The following VGLL4 variants were observed in gnomAD, a reference collection of about 807,000 sequenced individuals.
The protein encoded by VGLL4 is transcription cofactor vestigial-like protein 4.
A neutral mutation model predicts 21.0 loss-of-function variants in VGLL4; 7 were observed. The ratio of observed to expected loss-of-function variants is 0.33; its 90% CI spans 0.19 to 0.63. VGLL4 has a LOEUF of 0.63. VGLL4 is among the 20% of genes least tolerant of loss of function. The probability of loss-of-function intolerance (pLI) is 0.78; values close to 1 mark genes in which losing one functional copy is unlikely to be tolerated. For missense variants in VGLL4, 394 were observed against 425.7 expected, an observed-to-expected ratio of 0.93 and a Z score of 0.66; for synonymous variants, 222 against 173.2, an observed-to-expected ratio of 1.28 and a Z score of -2.21.
intron 2 of VGLL4, among the ~76,000 whole-genome samples, chr3:11,695,567 A>T (rs1461578055): frequency 1.3e-5 from 2 of 152,212 alleles, no homozygotes; most frequent in Non-Finnish European, 2.9e-5. Flanking sequence ...TGGTTAAAGG[A>T]CATGTGGTAG....
intron 1 of VGLL4, among the ~76,000 whole-genome samples, chr3:11,606,304 G>GT (rs2074939226): frequency 1.3e-5 from 2 of 152,194 alleles, no homozygotes; most frequent in South Asian, 4.1e-4. Context: ...ATGAGATTGG[G>GT]TGGGGACACT....
At chr3:11,690,751 G>T (rs2076515686) in intron 2 of VGLL4, among the ~76,000 whole-genome samples, 1 of 152,050 alleles carries the variant, frequency 6.6e-6, no homozygotes, top group East Asian at 1.9e-4. Context: ...CATTTACAAG[G>T]AATCAAAAGT....
rs536090045 is a variant in VGLL4 at position 11,676,638 on chromosome 3, T to C, written c.64+26333A>G. 3.9e-5 allele frequency among the ~76,000 whole-genome samples: 6 copies of C among 151,962 alleles called. No homozygotes were observed. In the South Asian group the frequency reaches 1.2e-3, roughly 32 times the overall value. ...TTTATTACAAACCATTTAGAACAGT[T>C]TGAATATATTTGGATATAAATATAA... On this transcript the variant is annotated intron_variant, in intron 2 of 5. Transcript: ENST00000273038.
intron 2 of VGLL4, among the ~76,000 whole-genome samples, chr3:11,566,767 C>T (rs932795414): frequency 3.3e-5 from 5 of 152,160 alleles, no homozygotes; most frequent in Non-Finnish European, 7.4e-5. Flanking sequence ...GAATCCATCC[C>T]CCACCGTCAA....
intron 2 of VGLL4, among the ~76,000 whole-genome samples, chr3:11,686,384 T>C (rs557836047): frequency 6.6e-6 from 1 of 152,312 alleles, no homozygotes; most frequent in African/African-American, 2.4e-5. Flanking sequence ...TTGAGGATAT[T>C]ATGGTAAATG....
rs148177241 is a variant in VGLL4 at position 11,682,992 on chromosome 3, C to T, written c.64+19979G>A. Among the ~76,000 whole-genome samples the T allele has an allele frequency of 9.6e-3, 1,467 of 152,122 alleles. 21 individuals are homozygous for T. The highest frequency in any genetic ancestry group is 0.033 in the African/African-American group (1,378 of 41,482). ...CCTGTAATCCCAGAACTTTGGGAGG[C>T]CGAGGTGGGCAGATCACCTGAGGTC... On this transcript the variant is annotated intron_variant, in intron 2 of 5. Coordinates refer to the VGLL4 transcript ENST00000273038.
Position 11,715,007 on chromosome 3 carries a change from C to T in VGLL4, c.-14+5387G>A, listed in dbSNP as rs1244133950. On this transcript the variant is annotated intron_variant, in intron 1 of 5. Coordinates refer to the VGLL4 transcript ENST00000273038. ...AAAATTAGCCAGGCACGGTGGCGGG[C>T]GCCTGTAGTCCCAGCTACTCGAGAG... is the stretch of plus-strand genomic sequence containing the variant. Among the ~76,000 whole-genome samples the T allele has an allele frequency of 5.9e-5, 9 of 151,988 alleles. No individual in the cohort carries two copies. In the East Asian group the frequency reaches 1.6e-3, roughly 26 times the overall value.
At chr3:11,663,912 C>CA (rs923169660) in intron 2 of VGLL4, among the ~76,000 whole-genome samples, 4 of 152,072 alleles carry the variant, frequency 2.6e-5, no homozygotes, top group East Asian at 1.9e-4. Flanking sequence ...AAAGTAATGG[C>CA]AAAAAACACA....
intron 2 of VGLL4, among the ~76,000 whole-genome samples, chr3:11,572,139 G>C (rs983915115): frequency 6.6e-6 from 1 of 152,128 alleles, no homozygotes; most frequent in Non-Finnish European, 1.5e-5. Flanking sequence ...CTGAGTAAGT[G>C]ATTGACGTTG....
At chr3:11,642,998 C>T (rs751866957) in intron 1 of VGLL4, among the ~76,000 whole-genome samples, 5 of 152,190 alleles carry the variant, frequency 3.3e-5, no homozygotes, top group Admixed American at 6.5e-5. Context: ...GTAACTTTGG[C>T]TCCCCCTCCG....
chr3:11,586,961 C>T (rs1451944521), intron 2 of VGLL4, among the ~76,000 whole-genome samples: 1 of 151,926 alleles, frequency 6.6e-6, no homozygotes, highest in Non-Finnish European at 1.5e-5. Flanking sequence ...AACTGCTTGC[C>T]CTGAATTGCA....
chr3:11,582,272 T>C, intron 2 of VGLL4: 1 of 1,605,774 alleles, frequency 6.2e-7, no homozygotes. Flanking sequence ...AATGAAAGGG[T>C]TCTTGGTACT....
At chr3:11,643,996 GGA>G, upstream of VGLL4, 1 of 990,298 alleles carries the variant, frequency 1.0e-6, no homozygotes, top group Non-Finnish European at 1.2e-6. Flanking sequence ...GCCGAGGCAG[GGA>G]GGGCTTCTGC....
intron 1 of VGLL4, among the ~76,000 whole-genome samples, chr3:11,706,046 C>T (rs2076757121): frequency 6.6e-6 from 1 of 152,122 alleles, no homozygotes; most frequent in Admixed American, 6.5e-5. Flanking sequence ...AGTTGAAGGA[C>T]AATGCTTTCA....
At chr3:11,667,011 G>T (rs1017138065) in intron 2 of VGLL4, among the ~76,000 whole-genome samples, 2 of 152,106 alleles carry the variant, frequency 1.3e-5, no homozygotes, top group African/African-American at 2.4e-5. Flanking sequence ...AGCCTCATTT[G>T]CCCTTTCTTC....
intron 2 of VGLL4, among the ~76,000 whole-genome samples, chr3:11,667,595 G>A: frequency 6.6e-6 from 1 of 152,094 alleles, no homozygotes; most frequent in East Asian, 1.9e-4. Context: ...GTGTACAGGT[G>A]CTGCCCATAG....
At chr3:11,698,408 C>T (rs2076634170) in intron 2 of VGLL4, among the ~76,000 whole-genome samples, 2 of 152,156 alleles carry the variant, frequency 1.3e-5, no homozygotes, top group Non-Finnish European at 2.9e-5. Context: ...ACTCAGGAGG[C>T]TAAGGCACAA....
chr3:11,585,080 T>C (rs1252627510), intron 2 of VGLL4, among the ~76,000 whole-genome samples: 1 of 152,176 alleles, frequency 6.6e-6, no homozygotes, highest in Middle Eastern at 3.2e-3. Flanking sequence ...ACATCAAATA[T>C]GCTGCTAAAA....
At position 11,558,230 on chromosome 3, in the gene VGLL4, CTG is replaced by C; in HGVS notation, c.*324_*325del. On this transcript the variant is annotated 3_prime_UTR_variant, in exon 5 of 5. Transcript: ENST00000430365. ...GTCACCAATTCATCATGGCTTGTGA[CTG>C]AGAAAGCGCTGTGGAGTCCTGGCCC... 5.0e-6 allele frequency: 2 copies of C among 401,084 alleles called. No homozygotes were observed. The highest frequency in any genetic ancestry group is 9.0e-6 in the Non-Finnish European group (2 of 222,720). 24.8% of individuals were successfully genotyped at this position (401,084 alleles called of 1,614,324 possible).
Sources: allele counts gnomAD v4.1 joint callset (sites outside exome capture counted in the v4.1 genomes callset), GRCh38; gene constraint gnomAD v4.1.1; transcripts MANE v1.5; gene names NCBI Gene and HGNC (gene_info 2026-07-23, HGNC 2026-07-21).